Variants in SERGEF observed in about 807,000 individuals in gnomAD.
The protein encoded by SERGEF is secretion regulating guanine nucleotide exchange factor.
A neutral mutation model predicts 50.0 loss-of-function variants in SERGEF; 51 were observed. That is an observed-to-expected ratio of 1.02 (90% CI 0.81 to 1.29). SERGEF has a LOEUF of 1.29. SERGEF is among the 50% of genes most tolerant of loss of function. The pLI is 0.00. For missense variants in SERGEF, 521 were observed against 557.0 expected (o/e 0.94, Z 0.65); for synonymous variants, 205 against 212.4 (o/e 0.97, Z 0.30).
intron 9 of SERGEF, among the ~76,000 whole-genome samples, chr11:17,915,667 T>C (rs1565203725): frequency 6.6e-6 from 1 of 152,218 alleles, no homozygotes; most frequent in Non-Finnish European, 1.5e-5. Flanking sequence ...TCAAGCGTGG[T>C]ACATTTCACA....
At chr11:17,896,737 G>GGAAGGGTAACA (rs1851641860) in intron 9 of SERGEF, among the ~76,000 whole-genome samples, 3 of 136,640 alleles carry the variant, frequency 2.2e-5, no homozygotes, top group Non-Finnish European at 4.7e-5. Context: ...GAAGGGTAAC[G>GGAAGGGTAACA]GAAGGGTAAC....
At chr11:17,967,312 C>T (rs376629244) in intron 8 of SERGEF, among the ~76,000 whole-genome samples, 7 of 152,280 alleles carry the variant, frequency 4.6e-5, no homozygotes, top group African/African-American at 1.7e-4. Context: ...CCACTTTTCA[C>T]GTGGTCACAC....
intron 10 of SERGEF, among the ~76,000 whole-genome samples, chr11:17,827,740 C>A (rs1319182898): frequency 6.6e-6 from 1 of 152,116 alleles, no homozygotes; most frequent in Non-Finnish European, 1.5e-5. Flanking sequence ...AGGTATTAGG[C>A]CAGAGTGAAA....
intron 8 of SERGEF, 33 bp from the exon 9 acceptor site, chr11:17,959,669 A>C: frequency 6.3e-7 from 1 of 1,576,054 alleles, no homozygotes. Flanking sequence ...TTAAGACTAC[A>C]TTCCACAGCT....
chr11:17,828,885 A>G (rs1590139922), intron 10 of SERGEF, among the ~76,000 whole-genome samples: 1 of 152,022 alleles, frequency 6.6e-6, no homozygotes, highest in South Asian at 2.1e-4. Context: ...GAGGGTTCTT[A>G]CCATCCGTAA....
chr11:18,003,596 C>T (rs1249850621), intron 4 of SERGEF, among the ~76,000 whole-genome samples: 2 of 152,148 alleles, frequency 1.3e-5, no homozygotes, highest in Non-Finnish European at 2.9e-5. Context: ...CCCAGCTACT[C>T]GGGAGGCCGA....
chr11:17,947,680 C>T (rs1408208840), intron 9 of SERGEF, among the ~76,000 whole-genome samples: 1 of 152,210 alleles, frequency 6.6e-6, no homozygotes, highest in Admixed American at 6.5e-5. Context: ...CATCCAGTCA[C>T]CTGTATGTCC....
chr11:17,799,590 C>T (rs532986556), intron 10 of SERGEF, among the ~76,000 whole-genome samples: 103 of 152,290 alleles, frequency 6.8e-4, no homozygotes, highest in African/African-American at 2.3e-3. Context: ...TCTCCTCAAG[C>T]CTGTTTGGGA....
rs117620298 is a variant in SERGEF, at chr11:17,938,750, T to C, written c.1011+20720A>G. On this transcript the variant is annotated intron_variant, in intron 9 of 10. Coordinates refer to ENST00000265965, the MANE Select transcript of SERGEF (RefSeq NM_012139.4). The stretch of plus-strand genomic sequence containing the variant: ...GACATCCTTGGAACATATGGGTATA[T>C]TGGGTACTCTAGACCCAAAATTTTA... 2.0e-3 allele frequency among the ~76,000 whole-genome samples: 306 copies of C among 152,350 alleles called. 3 individuals are homozygous for C. In the East Asian group the frequency reaches 0.048, roughly 24 times the overall value.
chr11:17,994,496 A>AG (rs1431650046), intron 6 of SERGEF, among the ~76,000 whole-genome samples: 1 of 151,446 alleles, frequency 6.6e-6, no homozygotes, highest in African/African-American at 2.4e-5. Flanking sequence ...AAAAAAAAAA[A>AG]AAATTCTTAG....
At chr11:17,878,283 T>C in intron 9 of SERGEF, 39 bp from the exon 10 acceptor site, 1 of 1,452,556 alleles carries the variant, frequency 6.9e-7, no homozygotes, top group Non-Finnish European at 9.5e-7. Flanking sequence ...TGGATAGATA[T>C]TTCAGCCAGT....
At chr11:17,858,082 G>T (rs1850856926) in intron 10 of SERGEF, among the ~76,000 whole-genome samples, 1 of 152,212 alleles carries the variant, frequency 6.6e-6, no homozygotes, top group Admixed American at 6.5e-5. Context: ...GGAAGACAAT[G>T]AAAAGCCTCA....
rs1849593663 is a variant in SERGEF at position 17,797,680 on chromosome 11, A to C, written c.1049-9267T>G. Among the ~76,000 whole-genome samples, 7 of 152,288 alleles carry C rather than the reference A, an allele frequency of 4.6e-5. No individual in the cohort carries two copies. The South Asian group carries it at 1.5e-3, about 32-fold the overall frequency. On this transcript the variant is annotated intron_variant, in intron 10 of 10. Coordinates refer to ENST00000265965, the MANE Select transcript of SERGEF (RefSeq NM_012139.4). ...GTTTGCTGCTATATCCCAGTACCTG[A>C]AACAGTGCTTGGCATAGGTTAGCGC...
intron 9 of SERGEF, among the ~76,000 whole-genome samples, chr11:17,892,429 G>A (rs1474065772): frequency 1.3e-5 from 2 of 152,170 alleles, no homozygotes; most frequent in African/African-American, 4.8e-5. Context: ...TGAGATATGT[G>A]GAACAGTGCT....
intron 10 of SERGEF, among the ~76,000 whole-genome samples, chr11:17,834,657 C>A (rs1053673969): frequency 2.0e-5 from 3 of 152,182 alleles, no homozygotes; most frequent in Non-Finnish European, 4.4e-5. Context: ...CTGAAGTATT[C>A]CTACTTTCCT....
intron 1 of SERGEF, chr11:18,009,971 T>C: frequency 2.2e-6 from 1 of 450,914 alleles, no homozygotes; most frequent in Non-Finnish European, 3.7e-6. Flanking sequence ...AGTTTTGGGT[T>C]TTCAGAGCTT....
chr11:17,940,467 G>C (rs933345475), intron 9 of SERGEF, among the ~76,000 whole-genome samples: 1 of 152,046 alleles, frequency 6.6e-6, no homozygotes, highest in Non-Finnish European at 1.5e-5. Flanking sequence ...TATTACTAAT[G>C]GCAGAAATAA....
At chr11:17,921,733 G>C (rs1026901297) in intron 9 of SERGEF, among the ~76,000 whole-genome samples, 1 of 152,140 alleles carries the variant, frequency 6.6e-6, no homozygotes, top group African/African-American at 2.4e-5. Flanking sequence ...TAAAGCATGG[G>C]GGAAGGTGAA....
intron 8 of SERGEF, among the ~76,000 whole-genome samples, chr11:17,981,662 G>C (rs896044973): frequency 1.3e-5 from 2 of 152,194 alleles, no homozygotes; most frequent in Non-Finnish European, 2.9e-5. Context: ...TCATGTAGCT[G>C]CTTCTGTGAA....
Sources: allele counts gnomAD v4.1 joint callset (sites outside exome capture counted in the v4.1 genomes callset), GRCh38; gene constraint gnomAD v4.1.1; transcripts MANE v1.5; gene names NCBI Gene and HGNC (gene_info 2026-07-23, HGNC 2026-07-21).